ELOVL7: variants seen among roughly 807,000 people sequenced by gnomAD.
The protein encoded by ELOVL7 is ELOVL fatty acid elongase 7.
A neutral mutation model predicts 35.7 loss-of-function variants in ELOVL7; 27 were observed. That is an observed-to-expected ratio of 0.76 (90% confidence interval 0.56 to 1.04). ELOVL7 has a LOEUF of 1.04. Ranked by LOEUF, ELOVL7 falls within the 50% of genes least tolerant of loss-of-function variation. ELOVL7 has a pLI of 0.00. For missense variants in ELOVL7, 327 were observed against 340.8 expected, an observed-to-expected ratio of 0.96 and a Z score of 0.32; for synonymous variants, 113 against 114.6, an observed-to-expected ratio of 0.99 and a Z score of 0.09.
chr5:60,795,673 A>G (rs1313586857), intron 2 of ELOVL7, among the ~76,000 whole-genome samples: 1 of 152,164 alleles, frequency 6.6e-6, no homozygotes, highest in Non-Finnish European at 1.5e-5. Context: ...AACCCTCCGG[A>G]TCCGGCAGGG....
At chr5:60,785,481 G>T (rs1467946244) in intron 3 of ELOVL7, among the ~76,000 whole-genome samples, 1 of 152,126 alleles carries the variant, frequency 6.6e-6, no homozygotes, top group Non-Finnish European at 1.5e-5. Flanking sequence ...TTGGATTCTT[G>T]TATCTGGGAT....
intron 1 of ELOVL7, among the ~76,000 whole-genome samples, chr5:60,840,097 A>G (rs1450338034): frequency 2.0e-5 from 3 of 151,946 alleles, no homozygotes; most frequent in Admixed American, 2.0e-4. Context: ...AAAAAATCCT[A>G]CTTTCTCAAT....
At chr5:60,757,280 A>T (rs75196963) in intron 8 of ELOVL7, among the ~76,000 whole-genome samples, 2,988 of 152,206 alleles carry the variant, frequency 0.02, 96 homozygotes, top group African/African-American at 0.068. Context: ...ATAAATGCAT[A>T]ATATAAAGAT....
At position 60,815,464 on chromosome 5, in the gene ELOVL7, C is replaced by T. The variant is rs145742260; in HGVS notation, c.-85-16234G>A. On this transcript the variant is annotated intron_variant, in intron 1 of 8. Transcript: ENST00000508821. ...AGAAAAACCTTGCAGAAGTTATCTA[C>T]CTTTGCTTAACCCTTTCATTAAAAA... Among the ~76,000 whole-genome samples, 1,126 of 152,226 alleles carry T rather than the reference C, an allele frequency of 7.4e-3. 16 individuals carry two copies. The highest frequency in any genetic ancestry group is 0.025 in the African/African-American group (1,053 of 41,502).
intron 1 of ELOVL7, among the ~76,000 whole-genome samples, chr5:60,837,605 A>G (rs1212718181): frequency 6.6e-6 from 1 of 152,106 alleles, no homozygotes; most frequent in African/African-American, 2.4e-5. Context: ...CATGAAGTTG[A>G]TTTTCTGTTT....
At chr5:60,771,138 AC>A (rs1325964159) in intron 4 of ELOVL7, among the ~76,000 whole-genome samples, 1 of 152,160 alleles carries the variant, frequency 6.6e-6, no homozygotes, top group Non-Finnish European at 1.5e-5. Context: ...ATGATTAAGC[AC>A]CAGTTATGCT....
intron 1 of ELOVL7, among the ~76,000 whole-genome samples, chr5:60,842,770 G>A (rs536673959): frequency 2.6e-5 from 4 of 152,254 alleles, no homozygotes; most frequent in African/African-American, 9.6e-5. Flanking sequence ...TAACCTCTCC[G>A]TGCCTCAGTT....
intron 3 of ELOVL7, among the ~76,000 whole-genome samples, chr5:60,778,100 GA>G (rs1743017598): frequency 6.6e-6 from 1 of 152,198 alleles, no homozygotes; most frequent in Non-Finnish European, 1.5e-5. Flanking sequence ...ACACATCACT[GA>G]AATCTTTTAC....
chr5:60,841,023 CTTTTTTTTT>C (rs59046428), intron 1 of ELOVL7, among the ~76,000 whole-genome samples: 62 of 125,364 alleles, frequency 4.9e-4, no homozygotes, highest in Non-Finnish European at 8.4e-4. Context: ...AATTACTTTC[CTTTTTTTTT>C]TTTTTTTTTT....
intron 1 of ELOVL7, among the ~76,000 whole-genome samples, chr5:60,826,949 A>C (rs187933976): frequency 1.2e-4 from 18 of 152,360 alleles, no homozygotes; most frequent in African/African-American, 4.3e-4. Flanking sequence ...TCTTCAGTAC[A>C]GTTAGACTAA....
At chr5:60,790,432 C>T (rs1279113429) in intron 2 of ELOVL7, among the ~76,000 whole-genome samples, 1 of 152,124 alleles carries the variant, frequency 6.6e-6, no homozygotes, top group Admixed American at 6.5e-5. Flanking sequence ...AACCCATATA[C>T]AAATACACAT....
chr5:60,760,678 C>T (rs1346127970), intron 7 of ELOVL7, among the ~76,000 whole-genome samples: 1 of 152,032 alleles, frequency 6.6e-6, no homozygotes, highest in African/African-American at 2.4e-5. Context: ...CTTTTGTTGC[C>T]ATTGCTTTTG....
chr5:60,768,724 C>T, intron 4 of ELOVL7: 1 of 455,814 alleles, frequency 2.2e-6, no homozygotes, highest in Non-Finnish European at 4.4e-6. Flanking sequence ...CTGATTTTAA[C>T]TTAACACATA....
chr5:60,831,653 T>C (rs1746485121), intron 1 of ELOVL7, among the ~76,000 whole-genome samples: 2 of 152,224 alleles, frequency 1.3e-5, no homozygotes, highest in South Asian at 4.1e-4. Context: ...TTTTAAAATA[T>C]CTTTGCATCT....
intron 1 of ELOVL7, among the ~76,000 whole-genome samples, chr5:60,807,810 T>A (rs1745018554): frequency 1.3e-5 from 2 of 151,378 alleles, no homozygotes. Context: ...CCACCCTGGC[T>A]AACATGGTGA....
At chr5:60,836,016 G>C (rs6881960) in intron 1 of ELOVL7, among the ~76,000 whole-genome samples, 3 of 151,974 alleles carry the variant, frequency 2.0e-5, no homozygotes, top group Non-Finnish European at 4.4e-5. Flanking sequence ...GAAATGAAGA[G>C]CATAGGCTCA....
At chr5:60,795,472 AC>A (rs1744195572) in intron 2 of ELOVL7, among the ~76,000 whole-genome samples, 1 of 152,148 alleles carries the variant, frequency 6.6e-6, no homozygotes, top group African/African-American at 2.4e-5. Flanking sequence ...TGGGATATAA[AC>A]CCCAGGCATT....
At chr5:60,833,791 G>A (rs1746625948) in intron 1 of ELOVL7, among the ~76,000 whole-genome samples, 1 of 152,174 alleles carries the variant, frequency 6.6e-6, no homozygotes, top group Non-Finnish European at 1.5e-5. Context: ...TAGGGCTTCT[G>A]TGAGGACTAA....
intron 7 of ELOVL7, among the ~76,000 whole-genome samples, chr5:60,763,230 G>C (rs78619259): frequency 6.6e-6 from 1 of 152,200 alleles, no homozygotes; most frequent in Non-Finnish European, 1.5e-5. Context: ...GGTAGCGACA[G>C]CTGTTTACTC....
Sources: gnomAD v4.1 joint callset for allele counts (sites outside exome capture counted in the v4.1 genomes callset) on GRCh38, gnomAD v4.1.1 for gene constraint, MANE v1.5 for transcripts, NCBI Gene and HGNC (gene_info 2026-07-23, HGNC 2026-07-21) for gene names.